TPD52: variants seen among roughly 807,000 people sequenced by gnomAD.
The protein encoded by TPD52 is tumor protein D52.
In TPD52, 17 loss-of-function variants were observed where a neutral mutation model predicts 31.3. The ratio of observed to expected loss-of-function variants is 0.54; its 90% CI spans 0.37 to 0.82. TPD52 has a LOEUF of 0.82. TPD52 is among the 40% of genes least tolerant of loss of function. TPD52 has a pLI of 0.00. For missense variants in TPD52, 212 were observed against 240.1 expected (o/e 0.88, Z 0.77); for synonymous variants, 83 against 89.6 (o/e 0.93, Z 0.42).
chr8:80,080,717 C>T (rs1042408083), intron 1 of TPD52: 83 of 1,135,684 alleles, frequency 7.3e-5, no homozygotes, highest in Non-Finnish European at 8.6e-5. Flanking sequence ...GTGTTAATTT[C>T]GATCAACAAT....
chr8:80,082,426 A>G (rs1165544090), intron 1 of TPD52, among the ~76,000 whole-genome samples: 1 of 152,144 alleles, frequency 6.6e-6, no homozygotes, highest in African/African-American at 2.4e-5. Flanking sequence ...GTATTTGTCC[A>G]TTACTTTACT....
At chr8:80,061,910 C>T (rs1207143333) in intron 2 of TPD52, among the ~76,000 whole-genome samples, 3 of 151,960 alleles carry the variant, frequency 2.0e-5, no homozygotes, top group Non-Finnish European at 2.9e-5. Context: ...TTGTACATTG[C>T]TAAAGTAAAA....
At chr8:80,065,805 A>T (rs1198585295) in intron 1 of TPD52, among the ~76,000 whole-genome samples, 7 of 152,162 alleles carry the variant, frequency 4.6e-5, no homozygotes, top group East Asian at 1.9e-4. Flanking sequence ...ATTAATTTTT[A>T]AAAATATTGT....
In TPD52 at chr8:80,155,066, T is replaced by C. The variant is rs1810864104; in HGVS notation, c.19+16359A>G. Among the ~76,000 whole-genome samples the C allele has an allele frequency of 3.3e-5, 5 of 151,762 alleles. No homozygotes were observed. In the South Asian group the frequency reaches 1.0e-3, roughly 32 times the overall value. On this transcript the variant is annotated intron_variant, in intron 1 of 7. Transcript: ENST00000518937. ...AGGCTGGAGTGCAGTGGCACAGTCT[T>C]GGCTCACTGACACCTCCGCTTCCAG...
intron 1 of TPD52, among the ~76,000 whole-genome samples, chr8:80,118,560 A>G (rs1157512078): frequency 1.3e-5 from 2 of 152,232 alleles, no homozygotes; most frequent in Non-Finnish European, 2.9e-5. Context: ...TAGAAAATAA[A>G]AAGAACTCTT....
chr8:80,150,549 G>C (rs1810502891), intron 1 of TPD52, among the ~76,000 whole-genome samples: 1 of 152,232 alleles, frequency 6.6e-6, no homozygotes, highest in African/African-American at 2.4e-5. Context: ...GCAGCTGGGA[G>C]GGAAGCTGTA....
intron 1 of TPD52, among the ~76,000 whole-genome samples, chr8:80,087,386 A>G (rs989408617): frequency 6.6e-6 from 1 of 152,226 alleles, no homozygotes; most frequent in Non-Finnish European, 1.5e-5. Flanking sequence ...TTGCAGGGAC[A>G]TGGATGGAGC....
chr8:80,058,339 C>A (rs1446517093), intron 2 of TPD52, among the ~76,000 whole-genome samples: 1 of 151,990 alleles, frequency 6.6e-6, no homozygotes, highest in Non-Finnish European at 1.5e-5. Context: ...GGAAACAATC[C>A]AAATGTTTAT....
intron 1 of TPD52, among the ~76,000 whole-genome samples, chr8:80,128,593 C>A (rs1327003453): frequency 6.6e-6 from 1 of 151,574 alleles, no homozygotes; most frequent in Non-Finnish European, 1.5e-5. Flanking sequence ...CCCACGAGGT[C>A]AGGGCTGCTG....
At chr8:80,152,336 A>G (rs1810632098) in intron 1 of TPD52, among the ~76,000 whole-genome samples, 1 of 152,166 alleles carries the variant, frequency 6.6e-6, no homozygotes, top group Non-Finnish European at 1.5e-5. Flanking sequence ...GCAGAAGCAA[A>G]CTCGAATGGC....
intron 1 of TPD52, among the ~76,000 whole-genome samples, chr8:80,160,095 G>A (rs555093681): frequency 2.0e-5 from 3 of 152,174 alleles, no homozygotes; most frequent in East Asian, 1.9e-4. Flanking sequence ...GGAGGCTTAG[G>A]TAGGAAGATT....
At chr8:80,115,847 C>T (rs956397023) in intron 1 of TPD52, among the ~76,000 whole-genome samples, 1 of 151,432 alleles carries the variant, frequency 6.6e-6, no homozygotes. Flanking sequence ...TTAAAACTTC[C>T]GTATGGCAAA....
chr8:80,130,787 G>C (rs1255464630), intron 1 of TPD52, among the ~76,000 whole-genome samples: 3 of 152,148 alleles, frequency 2.0e-5, no homozygotes, highest in African/African-American at 7.2e-5. Flanking sequence ...TGTTCAGTAA[G>C]AGTCTTCAAT....
At chr8:80,119,575 A>T (rs1009078240) in intron 1 of TPD52, among the ~76,000 whole-genome samples, 12 of 152,308 alleles carry the variant, frequency 7.9e-5, no homozygotes, top group African/African-American at 2.9e-4. Context: ...TTACTTTGGG[A>T]AGGGAAACTA....
intron 1 of TPD52, among the ~76,000 whole-genome samples, chr8:80,094,430 TTATATATATATATATATATATATA>T (rs61266725): frequency 0.071 from 3,820 of 53,816 alleles, 274 homozygotes; most frequent in African/African-American, 0.14. Flanking sequence ...AAAGAAAATT[TTATATATATATATATATATATATA>T]TATATATATA....
chr8:80,038,944 T>C (rs1184058470), intron 7 of TPD52, among the ~76,000 whole-genome samples: 5 of 152,250 alleles, frequency 3.3e-5, no homozygotes, highest in Admixed American at 6.5e-5. Flanking sequence ...GTATAATACT[T>C]TTTCAAAACC....
intron 7 of TPD52, among the ~76,000 whole-genome samples, chr8:80,041,871 C>T (rs865839652): frequency 2.6e-5 from 4 of 152,038 alleles, no homozygotes; most frequent in South Asian, 2.1e-4. Flanking sequence ...GGGCGGATCA[C>T]GAGGTCAGGA....
chr8:80,061,640 C>T (rs1812568576), intron 2 of TPD52, among the ~76,000 whole-genome samples: 1 of 152,142 alleles, frequency 6.6e-6, no homozygotes. Flanking sequence ...GCCATGATCA[C>T]ATCACTGCAC....
chr8:80,171,350 C>G (rs775394917), intron 1 of TPD52, 75 bp downstream of exon 1: 18 of 1,574,098 alleles, frequency 1.1e-5, no homozygotes, highest in Non-Finnish European at 1.5e-5. Context: ...CGCGCTCAGC[C>G]CCGCGCCGAG....
Sources: allele counts gnomAD v4.1 joint callset (sites outside exome capture counted in the v4.1 genomes callset), GRCh38; gene constraint gnomAD v4.1.1; transcripts MANE v1.5; gene names NCBI Gene and HGNC (gene_info 2026-07-23, HGNC 2026-07-21).